TENM2: variants seen among roughly 807,000 people sequenced by gnomAD.
TENM2 encodes the protein teneurin-2.
In TENM2, 52 loss-of-function variants were observed where a neutral mutation model predicts 245.2. The ratio of observed to expected loss-of-function variants is 0.21; its 90% CI spans 0.17 to 0.27. The LOEUF (loss-of-function observed/expected upper bound fraction) is 0.27, where lower values mean the gene tolerates loss of function less well. Among genes scored for constraint, TENM2 ranks in the 10% least tolerant of loss-of-function variants. The pLI is 1.00. For synonymous variants in TENM2, 1,363 were observed against 1,438.9 expected (o/e 0.95, Z 1.19); for missense variants, 3,046 against 3,666.8 (o/e 0.83, Z 4.37).
the TENM2 span, among the ~76,000 whole-genome samples, chr5:167,172,931 T>G: frequency 6.6e-6 from 1 of 152,204 alleles, no homozygotes; most frequent in Non-Finnish European, 1.5e-5. Flanking sequence ...CAAAAATCAT[T>G]TGCATTCATT....
At chr5:167,238,473 G>A in the TENM2 span, among the ~76,000 whole-genome samples, 1 of 152,126 alleles carries the variant, frequency 6.6e-6, no homozygotes, top group Non-Finnish European at 1.5e-5. Flanking sequence ...GATAGGCTTG[G>A]ATTAGACCTA....
the TENM2 span, among the ~76,000 whole-genome samples, chr5:167,073,100 G>C: frequency 6.6e-6 from 1 of 152,186 alleles, no homozygotes; most frequent in African/African-American, 2.4e-5. Flanking sequence ...TTCTTTAAGA[G>C]ATAAGGTGTG....
chr5:167,609,519 C>CAAAAAAAAAAAAAAAAAAA (rs1171421408), intron 2 of TENM2, among the ~76,000 whole-genome samples: 1 of 128,952 alleles, frequency 7.8e-6, no homozygotes, highest in African/African-American at 3.1e-5. Flanking sequence ...AAAACAAAAC[C>CAAAAAAAAAAAAAAAAAAA]TTACCTAGAA....
intron 2 of TENM2, among the ~76,000 whole-genome samples, chr5:167,777,808 C>G (rs1469629217): frequency 6.6e-6 from 1 of 152,096 alleles, no homozygotes; most frequent in Non-Finnish European, 1.5e-5. Flanking sequence ...CAAAGCTTAG[C>G]TCTTCATGTC....
At chr5:167,317,211 A>G (rs1756415854) in intron 1 of TENM2, among the ~76,000 whole-genome samples, 1 of 152,188 alleles carries the variant, frequency 6.6e-6, no homozygotes, top group South Asian at 2.1e-4. Flanking sequence ...TCCCTTCAGT[A>G]GGTTCATGAT....
At chr5:167,722,014 C>T (rs1759662550) in intron 2 of TENM2, among the ~76,000 whole-genome samples, 1 of 152,180 alleles carries the variant, frequency 6.6e-6, no homozygotes, top group South Asian at 2.1e-4. Flanking sequence ...AGAAATAAAC[C>T]TCCCAAAGAT....
chr5:167,116,981 C>T, the TENM2 span, among the ~76,000 whole-genome samples: 2 of 152,168 alleles, frequency 1.3e-5, no homozygotes, highest in Non-Finnish European at 2.9e-5. Flanking sequence ...TATTCAAATG[C>T]AGTTCATGGT....
intron 4 of TENM2, among the ~76,000 whole-genome samples, chr5:167,966,486 G>T (rs1364240494): frequency 6.6e-6 from 1 of 152,156 alleles, no homozygotes; most frequent in Admixed American, 6.5e-5. Flanking sequence ...TCTAATTTTG[G>T]TGTCAGAATT....
the TENM2 span, among the ~76,000 whole-genome samples, chr5:167,026,674 C>T: frequency 1.3e-5 from 2 of 152,096 alleles, no homozygotes; most frequent in Non-Finnish European, 2.9e-5. Context: ...ATCTGATTCC[C>T]GGTGAGGCGT....
chr5:167,812,366 C>T (rs1421016978), intron 2 of TENM2, among the ~76,000 whole-genome samples: 3 of 152,122 alleles, frequency 2.0e-5, no homozygotes, highest in Non-Finnish European at 4.4e-5. Context: ...TGCAAGTTTG[C>T]CTCGTAGACC....
At chr5:167,876,641 A>G (rs114415202) in intron 3 of TENM2, among the ~76,000 whole-genome samples, 1,705 of 151,990 alleles carry the variant, frequency 0.011, 31 homozygotes, top group African/African-American at 0.04. Flanking sequence ...TTGGCTTTTA[A>G]CTTCTATTCC....
chr5:168,242,955 T>TA (rs1766231785), intron 25 of TENM2, among the ~76,000 whole-genome samples: 3 of 141,842 alleles, frequency 2.1e-5, no homozygotes, highest in African/African-American at 8.0e-5. Context: ...AGACTCTATC[T>TA]CAAAAAAAAA....
chr5:167,833,584 T>C (rs1347357866), intron 2 of TENM2, among the ~76,000 whole-genome samples: 1 of 152,226 alleles, frequency 6.6e-6, no homozygotes, highest in Non-Finnish European at 1.5e-5. Flanking sequence ...CTTATCGCAG[T>C]CTTTGCGTAA....
intron 2 of TENM2, among the ~76,000 whole-genome samples, chr5:167,643,601 C>G (rs577798032): frequency 6.8e-4 from 103 of 152,282 alleles, no homozygotes; most frequent in Admixed American, 2.2e-3. Flanking sequence ...GATTCAGAGT[C>G]AAGTTTTGTT....
the TENM2 span, among the ~76,000 whole-genome samples, chr5:166,997,674 G>T: frequency 5.8e-4 from 89 of 152,278 alleles, no homozygotes; most frequent in South Asian, 3.3e-3. Flanking sequence ...AGAGCATGAT[G>T]GATTTAGGGA....
At chr5:168,177,295 A>T (rs534121981) in intron 13 of TENM2, among the ~76,000 whole-genome samples, 1 of 152,238 alleles carries the variant, frequency 6.6e-6, no homozygotes, top group African/African-American at 2.4e-5. Context: ...AATGGTTACT[A>T]TACAACAAGT....
At chr5:167,864,881 C>T (rs1772166598) in intron 2 of TENM2, among the ~76,000 whole-genome samples, 1 of 152,120 alleles carries the variant, frequency 6.6e-6, no homozygotes, top group Admixed American at 6.5e-5. Context: ...GAGCAATTGG[C>T]AATATTATTG....
At chr5:167,729,976 T>C (rs773319589) in intron 2 of TENM2, among the ~76,000 whole-genome samples, 4 of 152,240 alleles carry the variant, frequency 2.6e-5, no homozygotes, top group Non-Finnish European at 5.9e-5. Context: ...TCTATCTCTC[T>C]GCTCTTGATA....
intron 3 of TENM2, among the ~76,000 whole-genome samples, chr5:167,890,654 T>C (rs1421982): frequency 0.58 from 87,721 of 152,060 alleles, 29,313 homozygotes; most frequent in South Asian, 0.77. Context: ...CACAAATCAC[T>C]AGAGTCCAGT....
Sources: gnomAD v4.1 joint callset for allele counts (sites outside exome capture counted in the v4.1 genomes callset) on GRCh38, gnomAD v4.1.1 for gene constraint, MANE v1.5 for transcripts, NCBI Gene and HGNC (gene_info 2026-07-23, HGNC 2026-07-21) for gene names.